TANC1: variants seen among roughly 807,000 people sequenced by gnomAD.
TANC1 encodes protein TANC1.
Under a neutral mutation model 149.7 loss-of-function variants are expected in TANC1, and 77 were observed. That is an observed-to-expected ratio of 0.51 (90% CI 0.43 to 0.62). The LOEUF (loss-of-function observed/expected upper bound fraction) is 0.62, where lower values mean the gene tolerates loss of function less well. Among genes scored for constraint, TANC1 ranks in the 20% least tolerant of loss-of-function variants. The probability of loss-of-function intolerance (pLI) is 0.00; values close to 1 mark genes in which losing one functional copy is unlikely to be tolerated. For synonymous variants in TANC1, 854 were observed against 925.0 expected, an observed-to-expected ratio of 0.92 and a Z score of 1.39; for missense variants, 1,985 against 2,321.8, an observed-to-expected ratio of 0.85 and a Z score of 2.98.
intron 4 of TANC1, among the ~76,000 whole-genome samples, chr2:159,130,061 G>C (rs1423431271): frequency 1.3e-5 from 2 of 152,196 alleles, no homozygotes; most frequent in Non-Finnish European, 2.9e-5. Flanking sequence ...GGGACTGGGA[G>C]CCCAGCCCTG....
rs557237409 is a variant in TANC1, at chr2:159,008,168, G to T, written c.-16+6979G>T. On this transcript the variant is annotated intron_variant, in intron 2 of 26. Coordinates refer to ENST00000263635, the MANE Select transcript of TANC1 (RefSeq NM_033394.3). ...AGCAACTATTGTTACTGGAATTTCA[G>T]CTTATGCTGTGATTAATATCTGTTA... 1.9e-4 allele frequency among the ~76,000 whole-genome samples: 29 copies of T among 152,270 alleles called. 1 individual carries two copies. The highest frequency in any genetic ancestry group is 6.7e-4 in the African/African-American group (28 of 41,562).
chr2:159,210,004 A>G (rs1486184249), intron 19 of TANC1, among the ~76,000 whole-genome samples: 1 of 152,204 alleles, frequency 6.6e-6, no homozygotes, highest in Non-Finnish European at 1.5e-5. Flanking sequence ...AATACAAGCA[A>G]GTAAATTGCA....
chr2:159,183,971 C>T lies in TANC1; in HGVS notation c.2511-1820C>T, dbSNP rs201201986. Among the ~76,000 whole-genome samples the T allele has an allele frequency of 4.1e-4, 63 of 152,252 alleles. 1 individual carries two copies. The highest frequency in any genetic ancestry group is 1.9e-4 in the East Asian group (1 of 5,172). ...TCCCCCATAGAATCCCCCCGTCAGACGTGGTGCCAGTGATAAGGTGTAGCT... is the reference window on the plus strand; with the variant it reads ...TCCCCCATAGAATCCCCCCGTCAGATGTGGTGCCAGTGATAAGGTGTAGCT... On this transcript the variant is annotated intron_variant, in intron 14 of 26. Coordinates refer to ENST00000263635, the MANE Select transcript of TANC1 (RefSeq NM_033394.3).
rs915148272 is a variant in TANC1 at position 159,170,631 on chromosome 2, C to T, written c.1177C>T (p.His393Tyr). 9 of 1,613,976 alleles carry T rather than the reference C, an allele frequency of 5.6e-6. No homozygotes were observed. In the Admixed American group the frequency reaches 1.0e-4, roughly 18 times the overall value. ...GTTTGTGGGAAGGGATTGGCTCTTT[C>T]ACCAGATAGAAGAAAACTTGAGGAA... ...SVFVGRDWLF[H>Y]QIEENLRNTE... is the part of the protein sequence containing the mutation. Residue 393 changes from histidine (H) to tyrosine (Y), a missense_variant, in exon 10 of 27, where the codon CAC (histidine) becomes TAC (tyrosine). Around this residue, in one of 3 missense-constraint regions of TANC1, gnomAD observed 557 missense variants for 612.9 expected, o/e 0.91. Coordinates refer to ENST00000263635, the MANE Select transcript of TANC1 (RefSeq NM_033394.3).
chr2:159,033,512 A>T (rs62174277), intron 2 of TANC1, among the ~76,000 whole-genome samples: 3,325 of 152,282 alleles, frequency 0.022, 54 homozygotes, highest in Middle Eastern at 0.054. Flanking sequence ...TCTAGTACAG[A>T]TGGGATACAC....
At chr2:159,052,047 G>A (rs1410495815) in intron 2 of TANC1, among the ~76,000 whole-genome samples, 1 of 152,118 alleles carries the variant, frequency 6.6e-6, no homozygotes, top group Non-Finnish European at 1.5e-5. Context: ...CAGTGGGGGC[G>A]GGAGAGGCCA....
At chr2:159,213,262 T>TA (rs1053309496) in intron 19 of TANC1, among the ~76,000 whole-genome samples, 1 of 152,106 alleles carries the variant, frequency 6.6e-6, no homozygotes, top group African/African-American at 2.4e-5. Context: ...CCCCAAGCCT[T>TA]ATGTTAGTAG....
chr2:159,194,633 C>T, intron 17 of TANC1, 140 bp downstream of exon 17: 1 of 753,722 alleles, frequency 1.3e-6, no homozygotes, highest in East Asian at 2.6e-5. Context: ...AGGGATTGGT[C>T]ACTTTGTAAT....
chr2:159,176,004 C>T (rs1037391291), intron 12 of TANC1, among the ~76,000 whole-genome samples: 30 of 152,138 alleles, frequency 2.0e-4, no homozygotes, highest in Non-Finnish European at 4.1e-4. Context: ...ATGGGGGGAC[C>T]TAGTGACCTT....
intron 2 of TANC1, among the ~76,000 whole-genome samples, chr2:159,055,724 C>A (rs1333444172): frequency 1.3e-5 from 2 of 152,148 alleles, no homozygotes; most frequent in Non-Finnish European, 2.9e-5. Context: ...CCTGACCAGC[C>A]TTGATTTCAC....
chr2:158,981,834 A>AT (rs1413833653), intron 1 of TANC1, among the ~76,000 whole-genome samples: 1 of 151,866 alleles, frequency 6.6e-6, no homozygotes. Context: ...AGGAATGTGC[A>AT]TTCTTTCTAC....
chr2:159,188,781 G>A (rs1338736077), intron 16 of TANC1, among the ~76,000 whole-genome samples: 1 of 152,220 alleles, frequency 6.6e-6, no homozygotes, highest in East Asian at 1.9e-4. Flanking sequence ...GTATTGCCTC[G>A]CATATCCCCA....
intron 2 of TANC1, among the ~76,000 whole-genome samples, chr2:159,057,259 G>T (rs920537383): frequency 5.3e-5 from 8 of 152,148 alleles, no homozygotes; most frequent in Non-Finnish European, 1.2e-4. Flanking sequence ...CATCTACAGG[G>T]CTATCCTGAA....
chr2:159,062,882 G>A lies in TANC1; in HGVS notation c.-15-3014G>A, dbSNP rs1322278877. 2.0e-5 allele frequency among the ~76,000 whole-genome samples: 3 copies of A among 149,834 alleles called. No individual in the cohort carries two copies. The East Asian group carries it at 5.9e-4, about 29-fold the overall frequency. On this transcript the variant is annotated intron_variant, in intron 2 of 26. Transcript: ENST00000263635. Reference sequence around the variant, plus strand: ...CTCAGGAGGCTGAGGCAGGAGAATGGCGTGAACCCGGGAAGCGGAGCTTGC... The same window carrying A: ...CTCAGGAGGCTGAGGCAGGAGAATGACGTGAACCCGGGAAGCGGAGCTTGC...
intron 3 of TANC1, among the ~76,000 whole-genome samples, chr2:159,089,310 G>A (rs140467029): frequency 2.0e-5 from 3 of 152,246 alleles, no homozygotes; most frequent in East Asian, 3.9e-4. Flanking sequence ...TTACTTTGTA[G>A]TTAGATATTT....
intron 3 of TANC1, among the ~76,000 whole-genome samples, chr2:159,070,173 C>T (rs13020481): frequency 0.21 from 31,913 of 152,060 alleles, 3,588 homozygotes; most frequent in South Asian, 0.37. Context: ...TTCTGAATAA[C>T]CTGATTCATT....
chr2:159,189,387 T>C (rs1439678272), intron 16 of TANC1, among the ~76,000 whole-genome samples: 2 of 152,196 alleles, frequency 1.3e-5, no homozygotes, highest in Admixed American at 1.3e-4. Flanking sequence ...CAGGGTGATG[T>C]GGACAGGAGG....
chr2:159,227,667 C>T, intron 24 of TANC1, 152 bp from the exon 25 acceptor site: 1 of 781,226 alleles, frequency 1.3e-6, no homozygotes, highest in Non-Finnish European at 2.0e-6. Context: ...AGTTAGTGAA[C>T]TAGCTCCCAC....
chr2:159,219,983 T>A (rs1162912261), intron 22 of TANC1, 116 bp downstream of exon 22: 42 of 433,812 alleles, frequency 9.7e-5, no homozygotes, highest in East Asian at 7.2e-4. Context: ...AGAGAGTGTG[T>A]GTGTGTGTGT....
Sources: allele counts gnomAD v4.1 joint callset (sites outside exome capture counted in the v4.1 genomes callset), GRCh38; gene constraint gnomAD v4.1.1; regional missense constraint gnomAD v4.1.1; transcripts MANE v1.5; gene names NCBI Gene and HGNC (gene_info 2026-07-23, HGNC 2026-07-21).